The following BLTP3A variants were observed in gnomAD, a reference collection of about 807,000 sequenced individuals.
BLTP3A encodes ICBP90 binding protein 1.
the BLTP3A span, among the ~76,000 whole-genome samples, chr6:34,852,493 G>A: frequency 6.6e-6 from 1 of 152,052 alleles, no homozygotes; most frequent in Admixed American, 6.5e-5. Context: ...CCATAGTTGA[G>A]CTGGTATCCA....
the BLTP3A span, chr6:34,858,976 C>T: frequency 6.2e-7 from 1 of 1,614,088 alleles, no homozygotes; most frequent in Non-Finnish European, 8.5e-7. Flanking sequence ...CATTGGAGTT[C>T]TCTTTCCCAG....
the BLTP3A span, among the ~76,000 whole-genome samples, chr6:34,848,422 A>C: frequency 6.6e-6 from 1 of 152,050 alleles, no homozygotes; most frequent in African/African-American, 2.4e-5. Context: ...CCTGGCTAAC[A>C]TGGCAAAATC....
the BLTP3A span, among the ~76,000 whole-genome samples, chr6:34,831,740 T>C: frequency 6.6e-6 from 1 of 152,176 alleles, no homozygotes. Context: ...AAAAAACTAT[T>C]TTCCCCCTGC....
At chr6:34,855,942 T>C in the BLTP3A span, 14 of 982,752 alleles carry the variant, frequency 1.4e-5, no homozygotes, top group Non-Finnish European at 1.6e-5. Context: ...GCCTGAGATA[T>C]TGCTTTTGAT....
chr6:34,825,052 T>G, the BLTP3A span, among the ~76,000 whole-genome samples: 3 of 152,202 alleles, frequency 2.0e-5, no homozygotes, highest in African/African-American at 7.2e-5. Flanking sequence ...TTTAAAGCTC[T>G]TATAATTATA....
At chr6:34,863,080 A>AT in the BLTP3A span, among the ~76,000 whole-genome samples, 40 of 151,598 alleles carry the variant, frequency 2.6e-4, no homozygotes, top group African/African-American at 7.7e-4. Flanking sequence ...TAATCTTTGT[A>AT]TTTTTTTGTA....
At chr6:34,828,973 G>C in the BLTP3A span, among the ~76,000 whole-genome samples, 1 of 126,956 alleles carries the variant, frequency 7.9e-6, no homozygotes, top group Non-Finnish European at 1.6e-5. Flanking sequence ...CTTGCAGTGA[G>C]CTGAGATTGC....
chr6:34,857,928 AGT>A, the BLTP3A span: 1 of 1,608,248 alleles, frequency 6.2e-7, no homozygotes, highest in African/African-American at 1.3e-5. Context: ...GTGAGGGGAG[AGT>A]GTGACTTTTA....
the BLTP3A span, among the ~76,000 whole-genome samples, chr6:34,806,522 G>A: frequency 2.0e-5 from 3 of 152,178 alleles, no homozygotes; most frequent in Non-Finnish European, 4.4e-5. Context: ...GTTGGTCAAA[G>A]TTAGGGTCAG....
the BLTP3A span, among the ~76,000 whole-genome samples, chr6:34,840,997 C>G: frequency 2.0e-5 from 3 of 151,956 alleles, no homozygotes; most frequent in Non-Finnish European, 4.4e-5. Flanking sequence ...GTCGTTGTTG[C>G]TTTTGTTTTG....
the BLTP3A span, chr6:34,835,527 A>G: frequency 6.6e-7 from 1 of 1,524,704 alleles, no homozygotes; most frequent in Non-Finnish European, 8.8e-7. Context: ...CCTAACTCAT[A>G]CTAATGTAGG....
the BLTP3A span, among the ~76,000 whole-genome samples, chr6:34,837,296 C>G: frequency 4.6e-5 from 7 of 152,224 alleles, no homozygotes; most frequent in Admixed American, 4.6e-4. Flanking sequence ...AATCTCAATA[C>G]TTTGGGAGGC....
At chr6:34,804,595 A>G in the BLTP3A span, among the ~76,000 whole-genome samples, 1 of 152,132 alleles carries the variant, frequency 6.6e-6, no homozygotes, top group Admixed American at 6.6e-5. Flanking sequence ...ATGGTTCTGT[A>G]TCACTTGAAT....
chr6:34,856,410 G>C, the BLTP3A span: 1 of 1,613,774 alleles, frequency 6.2e-7, no homozygotes, highest in Non-Finnish European at 8.5e-7. Context: ...AGAAAAGCAG[G>C]TGGGTTATGA....
chr6:34,815,812 T>G, the BLTP3A span, among the ~76,000 whole-genome samples: 1 of 151,908 alleles, frequency 6.6e-6, no homozygotes, highest in East Asian at 1.9e-4. Context: ...CCCGGCTAAT[T>G]TTTTTGTGAT....
the BLTP3A span, among the ~76,000 whole-genome samples, chr6:34,816,835 C>T: frequency 4.6e-5 from 7 of 152,172 alleles, no homozygotes; most frequent in Admixed American, 3.9e-4. Flanking sequence ...GTCTTCAAAA[C>T]TCATTCTGCC....
At chr6:34,850,332 T>C in the BLTP3A span, among the ~76,000 whole-genome samples, 1 of 152,150 alleles carries the variant, frequency 6.6e-6, no homozygotes, top group East Asian at 1.9e-4. Flanking sequence ...TGCCTTGAGA[T>C]AGTCTTCTCT....
chr6:34,842,614 T>C, the BLTP3A span, among the ~76,000 whole-genome samples: 2 of 152,122 alleles, frequency 1.3e-5, no homozygotes, highest in Admixed American at 6.5e-5. Flanking sequence ...GAGGCCGAGA[T>C]GGAAGATTGC....
At chr6:34,823,421 A>G in the BLTP3A span, 1 of 1,315,540 alleles carries the variant, frequency 7.6e-7, no homozygotes. Flanking sequence ...AAAAATAAAA[A>G]CTTTTTATTA....
Sources: allele counts gnomAD v4.1 joint callset (sites outside exome capture counted in the v4.1 genomes callset), GRCh38; gene constraint gnomAD v4.1.1; transcripts MANE v1.5; gene names NCBI Gene and HGNC (gene_info 2026-07-23, HGNC 2026-07-21).